Variants in PHACTR1 observed in about 807,000 individuals in gnomAD.
PHACTR1 encodes RPEL repeat containing 1.
PHACTR1 carries 16 observed loss-of-function variants against 69.2 expected under a neutral mutation model. The observed-to-expected ratio is 0.23, with a 90% confidence interval of 0.16 to 0.35. The LOEUF is 0.35. PHACTR1 is among the 10% of genes least tolerant of loss of function. PHACTR1 has a pLI of 1.00. For synonymous variants in PHACTR1, 312 were observed against 284.5 expected, an observed-to-expected ratio of 1.10 and a Z score of -0.97; for missense variants, 510 against 734.7, an observed-to-expected ratio of 0.69 and a Z score of 3.54.
intron 3 of PHACTR1, among the ~76,000 whole-genome samples, chr6:12,733,212 A>G (rs1763787595): frequency 6.6e-6 from 1 of 152,226 alleles, no homozygotes; most frequent in Non-Finnish European, 1.5e-5. Context: ...TGTAATTACT[A>G]CAATAATAGG....
In PHACTR1 at chr6:12,756,234, G is replaced by T. The variant is rs377621137; in HGVS notation, c.250+6444G>T. Among the ~76,000 whole-genome samples, 3 of 152,184 alleles carry T rather than the reference G, an allele frequency of 2.0e-5. No homozygotes were observed. In the East Asian group the frequency reaches 5.8e-4, roughly 29 times the overall value. ...CTTTTTTTCTCCTTGAGTTTATGGG[G>T]TGAAAAAGGGGACATACATTACAGC... On this transcript the variant is annotated intron_variant, in intron 4 of 14. Coordinates refer to ENST00000332995, the MANE Select transcript of PHACTR1 (RefSeq NM_030948.6).
At chr6:13,121,932 A>G (rs1199348952) in intron 5 of PHACTR1, among the ~76,000 whole-genome samples, 4 of 152,242 alleles carry the variant, frequency 2.6e-5, no homozygotes, top group Admixed American at 1.3e-4. Context: ...TCAGGACTGC[A>G]TGAGTTTTAA....
At position 13,283,925 on chromosome 6, in the gene PHACTR1, G is replaced by A. The variant is rs901374076; in HGVS notation, c.1650+363G>A. ...GGGGATGGTGCTGCCGGCATCCAAC[G>A]AGGGATTCACCAAACCAAAAGAGAA... On this transcript the variant is annotated intron_variant, in intron 13 of 14. Transcript: ENST00000332995. The surrounding 1 kb of genome is among the most constrained non-coding windows in gnomAD (Gnocchi z 4.7). 11 of 239,000 alleles carry A rather than the reference G, an allele frequency of 4.6e-5. No homozygotes were observed. The highest frequency in any genetic ancestry group is 1.3e-4 in the South Asian group (2 of 15,984). The allele number at this position is 239,000 out of a possible 1,614,324, so 14.8% of individuals were successfully genotyped here. A position where few individuals can be genotyped will look rare whatever the true frequency, so the allele number is the denominator to read the frequency against.
chr6:13,024,984 A>T (rs1217483447), intron 4 of PHACTR1, among the ~76,000 whole-genome samples: 1 of 152,156 alleles, frequency 6.6e-6, no homozygotes, highest in East Asian at 1.9e-4. Flanking sequence ...AGGGCAAAAG[A>T]AGGAGAACTT....
chr6:13,237,881 T>C (rs1459735433), intron 10 of PHACTR1, among the ~76,000 whole-genome samples: 2 of 152,250 alleles, frequency 1.3e-5, no homozygotes, highest in African/African-American at 2.4e-5. Context: ...TATTTGTGCA[T>C]GTAAACATAG....
chr6:12,934,389 A>G (rs1789213404), intron 4 of PHACTR1, among the ~76,000 whole-genome samples: 1 of 152,232 alleles, frequency 6.6e-6, no homozygotes, highest in South Asian at 2.1e-4. Context: ...TAGAATGTCA[A>G]CATATCTTTT....
At chr6:13,073,331 ATTTTTTTTTTTTTTT>A (rs10664160) in intron 5 of PHACTR1, among the ~76,000 whole-genome samples, 55 of 65,694 alleles carry the variant, frequency 8.4e-4, no homozygotes, top group Middle Eastern at 0.017. Flanking sequence ...CATTCCATGA[ATTTTTTTTTTTTTTT>A]TTTTTTTTTT....
At chr6:12,732,709 C>T (rs1297368149) in intron 3 of PHACTR1, among the ~76,000 whole-genome samples, 1 of 152,206 alleles carries the variant, frequency 6.6e-6, no homozygotes, top group African/African-American at 2.4e-5. Context: ...ATTTTTCTAA[C>T]TTAAATCAAG....
At chr6:12,757,555 C>T (rs139863329) in intron 4 of PHACTR1, among the ~76,000 whole-genome samples, 6 of 152,136 alleles carry the variant, frequency 3.9e-5, no homozygotes, top group African/African-American at 7.2e-5. Flanking sequence ...AGGCTATGAA[C>T]GGTGGTGGCT....
intron 4 of PHACTR1, among the ~76,000 whole-genome samples, chr6:13,033,065 A>G (rs1399738292): frequency 6.6e-6 from 1 of 152,120 alleles, no homozygotes; most frequent in Non-Finnish European, 1.5e-5. Flanking sequence ...TTATGATTTC[A>G]TTGTTTTTCC....
intron 11 of PHACTR1, among the ~76,000 whole-genome samples, chr6:13,277,658 C>T (rs1779205559): frequency 6.6e-6 from 1 of 152,186 alleles, no homozygotes; most frequent in Non-Finnish European, 1.5e-5. Flanking sequence ...CATTCCCACC[C>T]ACCTCCTTGG....
chr6:13,044,279 C>A (rs142284908), intron 4 of PHACTR1, among the ~76,000 whole-genome samples: 1 of 152,168 alleles, frequency 6.6e-6, no homozygotes, highest in Non-Finnish European at 1.5e-5. Flanking sequence ...TTCTTCTCAA[C>A]GCTTATGAAT....
chr6:13,268,571 G>A (rs1357706376), intron 10 of PHACTR1, among the ~76,000 whole-genome samples: 1 of 152,220 alleles, frequency 6.6e-6, no homozygotes, highest in Non-Finnish European at 1.5e-5. Flanking sequence ...CATTAAATCA[G>A]CCTTAGCTTA....
intron 4 of PHACTR1, among the ~76,000 whole-genome samples, chr6:12,820,103 T>C (rs1302247463): frequency 6.6e-6 from 1 of 152,208 alleles, no homozygotes; most frequent in African/African-American, 2.4e-5. Context: ...CATACAAGTG[T>C]AAGTCATTTA....
intron 4 of PHACTR1, among the ~76,000 whole-genome samples, chr6:12,968,341 G>C (rs1314037792): frequency 2.0e-5 from 3 of 152,156 alleles, no homozygotes; most frequent in African/African-American, 7.2e-5. Context: ...AAAAGGAAAA[G>C]CAAAATTCTC....
rs1351649907 is a variant in PHACTR1 at position 13,178,080 on chromosome 6, G to A, written c.497-4439G>A. On this transcript the variant is annotated intron_variant, in intron 6 of 14. Coordinates refer to ENST00000332995, the MANE Select transcript of PHACTR1 (RefSeq NM_030948.6). ...GCCAGCTCTATATCTTAGATCCGTT[G>A]CTTTCTATGTCTCATGATTTAAGAC... Among the ~76,000 whole-genome samples the A allele has an allele frequency of 3.9e-5, 6 of 152,180 alleles. No individual in the cohort carries two copies. The South Asian group carries it at 1.0e-3, about 26-fold the overall frequency.
intron 4 of PHACTR1, among the ~76,000 whole-genome samples, chr6:12,766,049 C>A (rs1183731483): frequency 6.6e-6 from 1 of 152,068 alleles, no homozygotes; most frequent in Non-Finnish European, 1.5e-5. Flanking sequence ...AAATTTTTTT[C>A]TTTTTGACCT....
At chr6:13,184,736 G>C in intron 7 of PHACTR1, 1 of 1,282,848 alleles carries the variant, frequency 7.8e-7, no homozygotes, top group South Asian at 1.2e-5. Context: ...TGTGTTCCCC[G>C]CTGGCCCCGC....
chr6:13,210,226 A>G (rs1150617), intron 8 of PHACTR1, among the ~76,000 whole-genome samples: 134,982 of 151,864 alleles, frequency 0.89, 60,396 homozygotes, highest in African/African-American at 0.94. Context: ...TGTTGCCCAA[A>G]CTGGCATCGA....
Sources: gnomAD v4.1 joint callset for allele counts (sites outside exome capture counted in the v4.1 genomes callset) on GRCh38, gnomAD v4.1.1 for gene constraint, Gnocchi (gnomAD v3.1) non-coding constraint, MANE v1.5 for transcripts, NCBI Gene and HGNC (gene_info 2026-07-23, HGNC 2026-07-21) for gene names.